Variants in PLAC9 observed in about 807,000 individuals in gnomAD.
PLAC9 encodes the protein placenta-specific protein 9.
Under a neutral mutation model 11.5 loss-of-function variants are expected in PLAC9, and 12 were observed. That is an observed-to-expected ratio of 1.05 (90% CI 0.67 to 1.69). The LOEUF is 1.69. Among genes scored for constraint, PLAC9 ranks in the 40% most tolerant of loss-of-function variants. PLAC9 has a pLI of 0.00. For synonymous variants in PLAC9, 62 were observed against 58.1 expected (o/e 1.07, Z -0.31); for missense variants, 132 against 130.5 (o/e 1.01, Z -0.06).
intron 1 of PLAC9, 85 bp downstream of exon 1, chr10:80,132,911 G>A: frequency 1.7e-6 from 2 of 1,207,512 alleles, no homozygotes; most frequent in African/African-American, 1.6e-5. Flanking sequence ...GAGAGACGGA[G>A]AGAGAGCTGG....
chr10:80,143,712 A>G (rs547110487), intron 2 of PLAC9, among the ~76,000 whole-genome samples: 17 of 152,278 alleles, frequency 1.1e-4, no homozygotes, highest in African/African-American at 4.1e-4. Context: ...CTTGAATAAT[A>G]TTTTAATGCA....
upstream of PLAC9, among the ~76,000 whole-genome samples, chr10:80,132,405 C>T (rs1844922026): frequency 6.6e-6 from 1 of 152,164 alleles, no homozygotes; most frequent in African/African-American, 2.4e-5. Flanking sequence ...GAAACTGGCT[C>T]GTAACAAACC....
chr10:80,137,554 G>T (rs1448330937), intron 1 of PLAC9, among the ~76,000 whole-genome samples: 1 of 152,200 alleles, frequency 6.6e-6, no homozygotes, highest in African/African-American at 2.4e-5. Flanking sequence ...TGACAACAGA[G>T]GCCCCCTCAG....
chr10:80,132,040 CTG>C (rs1326965078), upstream of PLAC9, among the ~76,000 whole-genome samples: 1 of 152,248 alleles, frequency 6.6e-6, no homozygotes, highest in East Asian at 1.9e-4. Flanking sequence ...GTTTCCACTA[CTG>C]TGCTCTAAAC....
At chr10:80,136,723 G>A (rs1006112497) in intron 1 of PLAC9, among the ~76,000 whole-genome samples, 7 of 151,526 alleles carry the variant, frequency 4.6e-5, no homozygotes. Context: ...ATGTTGCCCA[G>A]AGTGACCTCA....
chr10:80,133,313 A>T (rs1844934432), intron 1 of PLAC9, among the ~76,000 whole-genome samples: 1 of 152,194 alleles, frequency 6.6e-6, no homozygotes, highest in African/African-American at 2.4e-5. Flanking sequence ...CTGGAGTGGG[A>T]GGTCACAGCT....
chr10:80,143,675 G>T (rs1286700789), intron 2 of PLAC9, among the ~76,000 whole-genome samples: 1 of 152,090 alleles, frequency 6.6e-6, no homozygotes, highest in Non-Finnish European at 1.5e-5. Flanking sequence ...GGGATTACAG[G>T]CGTGAGCCAC....
At chr10:80,137,407 G>A (rs148090467) in intron 1 of PLAC9, among the ~76,000 whole-genome samples, 212 of 152,338 alleles carry the variant, frequency 1.4e-3, no homozygotes, top group African/African-American at 4.7e-3. Context: ...ACGGGAGAGT[G>A]GCTAGGGTCT....
At chr10:80,132,435 G>T (rs1844922654), upstream of PLAC9, among the ~76,000 whole-genome samples, 1 of 152,180 alleles carries the variant, frequency 6.6e-6, no homozygotes, top group African/African-American at 2.4e-5. Flanking sequence ...AGGCTCGGTC[G>T]CCTTGAGCCC....
chr10:80,140,010 T>C (rs1845021469), intron 1 of PLAC9, among the ~76,000 whole-genome samples: 1 of 152,208 alleles, frequency 6.6e-6, no homozygotes, highest in South Asian at 2.1e-4. Flanking sequence ...ATAGAGGCCA[T>C]CAGGTGGGAG....
chr10:80,143,389 ATTTTTTTTTT>A (rs560963413), intron 2 of PLAC9, among the ~76,000 whole-genome samples: 1 of 89,954 alleles, frequency 1.1e-5, no homozygotes, highest in African/African-American at 5.0e-5. Context: ...AAATACTTGA[ATTTTTTTTTT>A]TTTTTTTTTT....
At chr10:80,135,539 A>T (rs1477494824) in intron 1 of PLAC9, among the ~76,000 whole-genome samples, 1 of 148,724 alleles carries the variant, frequency 6.7e-6, no homozygotes, top group Non-Finnish European at 1.5e-5. Flanking sequence ...GAGTTTCACC[A>T]TGTTGGCTAG....
At chr10:80,136,172 C>G (rs536458732) in intron 1 of PLAC9, among the ~76,000 whole-genome samples, 30 of 152,286 alleles carry the variant, frequency 2.0e-4, no homozygotes, top group South Asian at 1.0e-3. Context: ...CTGGGGCCTC[C>G]GGGCTCCACA....
chr10:80,135,010 GTTTGTTTA>G lies in PLAC9; in HGVS notation c.64+2188_64+2195del, dbSNP rs1440497017. Among the ~76,000 whole-genome samples the G allele has an allele frequency of 1.2e-3, 143 of 118,416 alleles. 2 individuals are homozygous for G. The highest frequency in any genetic ancestry group is 1.7e-3 in the Non-Finnish European group (85 of 49,190). 77.7% of individuals were successfully genotyped at this position (118,416 alleles called of 152,430 possible). The stretch of plus-strand genomic sequence containing the variant: ...TCCAACTTCCAACCTTGGTTTGTTT[GTTTGTTTA>G]TTTATTTATTTATTTATTTGAGATG... On this transcript the variant is annotated intron_variant, in intron 1 of 3. Transcript: ENST00000372263.
In PLAC9 at chr10:80,145,281, T is replaced by G. The variant is rs1845090480; in HGVS notation, c.*371T>G. 2.6e-6 allele frequency: 1 copy of G among 383,686 alleles called. No homozygotes were observed. Among genetic ancestry groups the G allele is most frequent in the Non-Finnish European group, 4.7e-6 (1 of 214,092 alleles). The allele number at this position is 383,686 out of a possible 1,614,324, so 23.8% of individuals were successfully genotyped here. ...GGGTCTCAGGACCCACCCAGACTGT[T>G]TAATCCAAATCTGCATTGCAATGAG... On this transcript the variant is annotated 3_prime_UTR_variant, in exon 4 of 4. Coordinates refer to ENST00000372263, the MANE Select transcript of PLAC9 (RefSeq NM_001012973.3).
intron 1 of PLAC9, among the ~76,000 whole-genome samples, chr10:80,141,394 T>C (rs1237586157): frequency 6.6e-6 from 1 of 151,522 alleles, no homozygotes; most frequent in Non-Finnish European, 1.5e-5. Context: ...AGGTCAGGAG[T>C]TTGAGACCAG....
chr10:80,139,143 G>A (rs1359732257), intron 1 of PLAC9, among the ~76,000 whole-genome samples: 3 of 151,764 alleles, frequency 2.0e-5, no homozygotes, highest in African/African-American at 4.8e-5. Flanking sequence ...TAGTAGAGAC[G>A]GGGTTTCACC....
chr10:80,138,857 C>G (rs1466155207), intron 1 of PLAC9, among the ~76,000 whole-genome samples: 1 of 152,172 alleles, frequency 6.6e-6, no homozygotes, highest in Non-Finnish European at 1.5e-5. Context: ...ATAACTCCCC[C>G]TATTGAGCTT....
In PLAC9 at chr10:80,145,144, A is replaced by C. The variant is rs1373023466; in HGVS notation, c.*234A>C. On this transcript the variant is annotated 3_prime_UTR_variant, in exon 4 of 4. Transcript: ENST00000372263. ...CAGGCTCAGACCTGGGGACACCCCC[A>C]CTCCTGTCATTTATAGGGGCAGATG... 1.5e-6 allele frequency: 1 copy of C among 659,052 alleles called. No homozygotes were observed. The highest frequency in any genetic ancestry group is 2.7e-6 in the Non-Finnish European group (1 of 371,086). The allele number at this position is 659,052 out of a possible 1,614,324, so 40.8% of individuals were successfully genotyped here. A position where few individuals can be genotyped will look rare whatever the true frequency, so the allele number is the denominator to read the frequency against.
Sources: gnomAD v4.1 joint callset for allele counts (sites outside exome capture counted in the v4.1 genomes callset) on GRCh38, gnomAD v4.1.1 for gene constraint, MANE v1.5 for transcripts, NCBI Gene and HGNC (gene_info 2026-07-23, HGNC 2026-07-21) for gene names.